The following MKLN1 variants were observed in gnomAD, a reference collection of about 807,000 sequenced individuals.
MKLN1 encodes muskelin.
Under a neutral mutation model 99.0 loss-of-function variants are expected in MKLN1, and 18 were observed. That is an observed-to-expected ratio of 0.18 (90% CI 0.13 to 0.27). The LOEUF (loss-of-function observed/expected upper bound fraction) is 0.27. MKLN1 is among the 10% of genes least tolerant of loss of function. The probability of loss-of-function intolerance (pLI) is 1.00; values close to 1 mark genes in which losing one functional copy is unlikely to be tolerated. For synonymous variants in MKLN1, 288 were observed against 293.2 expected (o/e 0.98, Z 0.18); for missense variants, 621 against 875.9 (o/e 0.71, Z 3.67).
intron 1 of MKLN1, among the ~76,000 whole-genome samples, chr7:131,357,800 GC>G (rs1584645120): frequency 6.6e-6 from 1 of 151,826 alleles, no homozygotes; most frequent in East Asian, 1.9e-4. Context: ...TTTATTTTCT[GC>G]CCCATTTCTC....
At chr7:131,416,221 A>G (rs1340805575) in intron 8 of MKLN1, among the ~76,000 whole-genome samples, 1 of 152,230 alleles carries the variant, frequency 6.6e-6, no homozygotes, top group African/African-American at 2.4e-5. Flanking sequence ...AATATGGTTT[A>G]CTTTAACATT....
intron 15 of MKLN1, among the ~76,000 whole-genome samples, chr7:131,466,927 G>A (rs547653736): frequency 1.1e-3 from 162 of 149,152 alleles, no homozygotes; most frequent in East Asian, 1.6e-3. Context: ...ACACACACGC[G>A]CGCGCGCGCA....
At chr7:131,349,020 A>G (rs1158505381) in intron 1 of MKLN1, among the ~76,000 whole-genome samples, 1 of 152,130 alleles carries the variant, frequency 6.6e-6, no homozygotes, top group African/African-American at 2.4e-5. Flanking sequence ...GTAATTTTTT[A>G]AAGACATGCA....
At chr7:131,411,674 A>G (rs951173615) in intron 7 of MKLN1, among the ~76,000 whole-genome samples, 2 of 152,146 alleles carry the variant, frequency 1.3e-5, no homozygotes, top group South Asian at 4.2e-4. Flanking sequence ...TGGGAGGCCA[A>G]GGTGGGCAGA....
intron 15 of MKLN1, among the ~76,000 whole-genome samples, chr7:131,466,946 C>T (rs1372097184): frequency 1.3e-5 from 2 of 152,124 alleles, no homozygotes; most frequent in Non-Finnish European, 2.9e-5. Flanking sequence ...CACACACGCA[C>T]GCAGGCACCC....
Position 131,491,130 on chromosome 7 carries a change from T to C in MKLN1, c.*3402T>C, listed in dbSNP as rs941604193. Reference sequence around the variant, plus strand: ...CACGTGAAATCCTTAGCTGGTTGAATGTTGCACAGTATTTGAGAATTACGG... The same window carrying C: ...CACGTGAAATCCTTAGCTGGTTGAACGTTGCACAGTATTTGAGAATTACGG... On this transcript the variant is annotated 3_prime_UTR_variant, in exon 18 of 18. Coordinates refer to ENST00000352689, the MANE Select transcript of MKLN1 (RefSeq NM_013255.5). 1.3e-5 allele frequency: 2 copies of C among 152,170 alleles called. No homozygotes were observed. Among genetic ancestry groups the C allele is most frequent in the Non-Finnish European group, 2.9e-5 (2 of 68,016 alleles). 9.4% of individuals were successfully genotyped at this position (152,170 alleles called of 1,614,324 possible).
intron 3 of MKLN1, among the ~76,000 whole-genome samples, chr7:131,263,412 CT>C (rs1191786687): frequency 6.6e-6 from 1 of 150,858 alleles, no homozygotes. Flanking sequence ...GTAGTCCCAG[CT>C]ACTTGGGAGG....
chr7:131,365,372 A>C (rs1163577009), intron 1 of MKLN1, among the ~76,000 whole-genome samples: 2 of 152,138 alleles, frequency 1.3e-5, no homozygotes, highest in Non-Finnish European at 2.9e-5. Context: ...ATAGTTTGCA[A>C]ATATTTTCTC....
intron 2 of MKLN1, among the ~76,000 whole-genome samples, chr7:131,160,492 AATT>A (rs60725549): frequency 0.3 from 41,582 of 138,684 alleles, 6,514 homozygotes; most frequent in South Asian, 0.36. Flanking sequence ...TATTATTATT[AATT>A]ATTATTATTA....
rs563061169 is a variant in MKLN1, at chr7:131,299,483, A to G, written c.-178-75941A>G. Among the ~76,000 whole-genome samples the G allele has an allele frequency of 6.1e-4, 93 of 152,332 alleles. 1 individual carries two copies. The highest frequency in any genetic ancestry group is 5.2e-3 in the Admixed American group (80 of 15,302). On this transcript the variant is annotated intron_variant, in intron 3 of 7. Transcript: ENST00000416992. ...TTTTCTCCTTGGAGAGAGAAATATAATATTTTCAGCACTTACCTGCTTTTA... is the reference window on the plus strand; with the variant it reads ...TTTTCTCCTTGGAGAGAGAAATATAGTATTTTCAGCACTTACCTGCTTTTA...
intron 2 of MKLN1, among the ~76,000 whole-genome samples, chr7:131,382,047 CT>C: frequency 6.6e-6 from 1 of 152,246 alleles, no homozygotes; most frequent in Non-Finnish European, 1.5e-5. Context: ...CAATTTTTGG[CT>C]ATTACAAAGA....
chr7:131,297,597 A>T (rs1332174295), intron 3 of MKLN1, among the ~76,000 whole-genome samples: 3 of 152,116 alleles, frequency 2.0e-5, no homozygotes, highest in Non-Finnish European at 4.4e-5. Context: ...CTACTGAGGG[A>T]TGATACAATT....
rs1793748736 is a variant in MKLN1, at chr7:131,378,829, C to T, written c.168+3336C>T. On this transcript the variant is annotated intron_variant, in intron 2 of 17. Transcript: ENST00000352689. ...TGGGTGACAGAGTGAGAGACTGTCT[C>T]AAAAAAGAAAAAATACACGCACGTG... 3.4e-5 allele frequency among the ~76,000 whole-genome samples: 5 copies of T among 147,262 alleles called. No individual in the cohort carries two copies. In the South Asian group the frequency reaches 1.1e-3, roughly 31 times the overall value.
In MKLN1 at chr7:131,221,156, A is replaced by G. The variant is rs146560828; in HGVS notation, c.-179+18182A>G. 8.5e-5 allele frequency among the ~76,000 whole-genome samples: 13 copies of G among 152,290 alleles called. No homozygotes were observed. The East Asian group carries it at 2.3e-3, about 27-fold the overall frequency. On this transcript the variant is annotated intron_variant, in intron 3 of 7. Coordinates refer to the MKLN1 transcript ENST00000416992. Reference sequence around the variant, plus strand: ...CTGTAACCCTGGCTTGGTGCACAGTATGCGTGATGGACAGGTTGAGTTGCA... The same window carrying G: ...CTGTAACCCTGGCTTGGTGCACAGTGTGCGTGATGGACAGGTTGAGTTGCA...
At chr7:131,376,139 T>TATATA (rs1563318314) in intron 2 of MKLN1, among the ~76,000 whole-genome samples, 62 of 8,244 alleles carry the variant, frequency 7.5e-3, no homozygotes, top group African/African-American at 0.018. Context: ...TATATATGTA[T>TATATA]GATGTATGTA....
chr7:131,388,747 CT>C lies in MKLN1; in HGVS notation c.312-136del, dbSNP rs148702450. On this transcript the variant is annotated intron_variant, in intron 3 of 17. Coordinates refer to ENST00000352689, the MANE Select transcript of MKLN1 (RefSeq NM_013255.5). ...TTTTGACCTATATGCCCATGTTCAA[CT>C]ACTTGTTTATATTGTCTTGGTCATA... 1.7e-3 allele frequency: 945 copies of C among 550,574 alleles called. 5 individuals carry two copies. The highest frequency in any genetic ancestry group is 0.016 in the African/African-American group (811 of 52,024). 34.1% of individuals were successfully genotyped at this position (550,574 alleles called of 1,614,324 possible). A position where few individuals can be genotyped will look rare whatever the true frequency, so the allele number is the denominator to read the frequency against.
chr7:131,437,123 G>A (rs553742038), intron 9 of MKLN1, among the ~76,000 whole-genome samples: 2 of 151,860 alleles, frequency 1.3e-5, no homozygotes, highest in East Asian at 3.9e-4. Context: ...TGTGCACAAT[G>A]TGAAGGTTTG....
rs111503393 is a variant in MKLN1 at position 131,425,707 on chromosome 7, C to T, written c.848-3326C>T. On this transcript the variant is annotated intron_variant, in intron 8 of 17. Transcript: ENST00000352689. ...GAAGGGGTTGCTCCTTGAAGAGGAT[C>T]GTACTACCCCAGATGTACATGAATT... 3.1e-3 allele frequency among the ~76,000 whole-genome samples: 477 copies of T among 152,234 alleles called. 1 individual carries two copies. The highest frequency in any genetic ancestry group is 0.011 in the African/African-American group (452 of 41,538).
chr7:131,438,403 C>A (rs962149932), intron 10 of MKLN1, among the ~76,000 whole-genome samples: 1 of 150,364 alleles, frequency 6.7e-6, no homozygotes, highest in Non-Finnish European at 1.5e-5. Flanking sequence ...AGCTTTTCTT[C>A]CAGTTAGAGT....
Sources: allele counts gnomAD v4.1 joint callset (sites outside exome capture counted in the v4.1 genomes callset), GRCh38; gene constraint gnomAD v4.1.1; transcripts MANE v1.5; gene names NCBI Gene and HGNC (gene_info 2026-07-23, HGNC 2026-07-21).